The following RIMS1 variants were observed in gnomAD, a reference collection of about 807,000 sequenced individuals.
The protein encoded by RIMS1 is regulating synaptic membrane exocytosis 1, also known as regulating synaptic membrane exocytosis protein 1.
Under a neutral mutation model 214.1 loss-of-function variants are expected in RIMS1, and 83 were observed. The ratio of observed to expected loss-of-function variants is 0.39; its 90% CI spans 0.32 to 0.47. The LOEUF (loss-of-function observed/expected upper bound fraction) is 0.47. Ranked by LOEUF, RIMS1 falls within the 20% of genes least tolerant of loss-of-function variation. The pLI is 0.99. For missense variants in RIMS1, 2,050 were observed against 2,161.8 expected (o/e 0.95, Z 1.03); for synonymous variants, 793 against 786.8 (o/e 1.01, Z -0.13).
At chr6:72,228,313 C>T (rs1392749960) in intron 6 of RIMS1, among the ~76,000 whole-genome samples, 1 of 151,826 alleles carries the variant, frequency 6.6e-6, no homozygotes, top group Non-Finnish European at 1.5e-5. Flanking sequence ...CCCCGTTTCC[C>T]CTGTTCCCCA....
At chr6:72,060,657 G>A in intron 2 of RIMS1, among the ~76,000 whole-genome samples, 1 of 152,076 alleles carries the variant, frequency 6.6e-6, no homozygotes, top group East Asian at 1.9e-4. Context: ...AAATACCAAA[G>A]CCATTTTTTT....
chr6:71,928,602 A>G (rs570135084), intron 1 of RIMS1, among the ~76,000 whole-genome samples: 5 of 152,142 alleles, frequency 3.3e-5, no homozygotes, highest in South Asian at 2.1e-4. Flanking sequence ...AATAACATTT[A>G]TATCTATATA....
intron 1 of RIMS1, among the ~76,000 whole-genome samples, chr6:71,936,358 GAAAA>G (rs1435713873): frequency 4.0e-5 from 5 of 126,360 alleles, no homozygotes; most frequent in African/African-American, 1.5e-4. Context: ...AAAAAGAAAA[GAAAA>G]GGAAGGTGTG....
At chr6:72,014,486 C>T (rs1172256555) in intron 2 of RIMS1, among the ~76,000 whole-genome samples, 4 of 152,176 alleles carry the variant, frequency 2.6e-5, no homozygotes, top group Non-Finnish European at 4.4e-5. Context: ...TATGGATATA[C>T]CACTTTTATT....
chr6:72,090,676 C>T (rs1835965654), intron 2 of RIMS1, among the ~76,000 whole-genome samples: 1 of 152,180 alleles, frequency 6.6e-6, no homozygotes, highest in Non-Finnish European at 1.5e-5. Flanking sequence ...TTCTTTGACA[C>T]TGGTACATGC....
chr6:72,007,511 C>A (rs188313576), intron 2 of RIMS1, among the ~76,000 whole-genome samples: 153 of 152,044 alleles, frequency 1.0e-3, no homozygotes, highest in African/African-American at 3.4e-3. Flanking sequence ...AGGCTTCAGA[C>A]AATCAAACTT....
At chr6:72,005,726 G>T (rs192307183) in intron 2 of RIMS1, among the ~76,000 whole-genome samples, 121 of 152,310 alleles carry the variant, frequency 7.9e-4, no homozygotes, top group African/African-American at 2.7e-3. Context: ...TAAAAAACAT[G>T]CTGGATGGCT....
intron 28 of RIMS1, among the ~76,000 whole-genome samples, chr6:72,328,277 C>G (rs1045511245): frequency 1.3e-5 from 2 of 151,706 alleles, no homozygotes; most frequent in African/African-American, 2.4e-5. Context: ...AGGGGAATAT[C>G]ACACACCAAG....
At chr6:72,004,352 C>G (rs1444040589) in intron 2 of RIMS1, among the ~76,000 whole-genome samples, 1 of 152,072 alleles carries the variant, frequency 6.6e-6, no homozygotes, top group Non-Finnish European at 1.5e-5. Flanking sequence ...GTCTTTATAG[C>G]AGCATGATTT....
At chr6:71,970,232 C>T (rs1258529446) in intron 2 of RIMS1, among the ~76,000 whole-genome samples, 1 of 152,056 alleles carries the variant, frequency 6.6e-6, no homozygotes, top group African/African-American at 2.4e-5. Context: ...AAAGTACAAA[C>T]TTGGAAGAAG....
rs1264752981 is a variant in RIMS1, at chr6:72,394,039, A to AG, written c.4618+1229_4618+1230insG. On this transcript the variant is annotated intron_variant, in intron 31 of 33. Transcript: ENST00000521978. ...AATTATGAACTAAAAAAAAAAAAAAAAAAGATGGAACCAAAAAACAAATGC... is the reference window on the plus strand; with the variant it reads ...AATTATGAACTAAAAAAAAAAAAAAAGAAAGATGGAACCAAAAAACAAATGC... 5.3e-3 allele frequency among the ~76,000 whole-genome samples: 793 copies of AG among 150,158 alleles called. 5 individuals are homozygous for AG. The highest frequency in any genetic ancestry group is 0.017 in the African/African-American group (702 of 40,992).
chr6:72,021,572 G>A (rs1460905083), intron 2 of RIMS1, among the ~76,000 whole-genome samples: 1 of 152,174 alleles, frequency 6.6e-6, no homozygotes, highest in African/African-American at 2.4e-5. Context: ...TATACCTGGT[G>A]CACGAAGAAA....
intron 2 of RIMS1, among the ~76,000 whole-genome samples, chr6:72,067,388 C>G (rs1829581245): frequency 6.6e-6 from 1 of 152,156 alleles, no homozygotes; most frequent in Non-Finnish European, 1.5e-5. Flanking sequence ...TTTGTACTTG[C>G]TATTCCCTCT....
intron 4 of RIMS1, among the ~76,000 whole-genome samples, chr6:72,110,930 T>A (rs1273203754): frequency 1.3e-5 from 2 of 152,170 alleles, no homozygotes; most frequent in Non-Finnish European, 2.9e-5. Flanking sequence ...GATCCTAAGA[T>A]GAATTAGTGG....
At chr6:72,057,459 G>A (rs1362085580) in intron 2 of RIMS1, among the ~76,000 whole-genome samples, 1 of 139,704 alleles carries the variant, frequency 7.2e-6, no homozygotes, top group Non-Finnish European at 1.6e-5. Context: ...AGGTTCTGTT[G>A]TTATGTAATT....
intron 1 of RIMS1, among the ~76,000 whole-genome samples, chr6:71,922,685 G>A: frequency 6.6e-6 from 1 of 152,238 alleles, no homozygotes; most frequent in East Asian, 1.9e-4. Context: ...GGAGGAGGAA[G>A]AAGAGGAAGA....
At chr6:71,965,149 C>A (rs1364043069) in intron 1 of RIMS1, among the ~76,000 whole-genome samples, 1 of 152,092 alleles carries the variant, frequency 6.6e-6, no homozygotes, top group Non-Finnish European at 1.5e-5. Context: ...TAGGAAAATT[C>A]AAAAACCGTA....
intron 1 of RIMS1, among the ~76,000 whole-genome samples, chr6:71,912,575 G>T (rs989961155): frequency 6.6e-6 from 1 of 152,016 alleles, no homozygotes; most frequent in African/African-American, 2.4e-5. Flanking sequence ...CTTAAGGATA[G>T]TTCCATAAGC....
At chr6:71,984,813 C>T (rs1799475427) in intron 2 of RIMS1, among the ~76,000 whole-genome samples, 1 of 123,770 alleles carries the variant, frequency 8.1e-6, no homozygotes, top group South Asian at 2.6e-4. Flanking sequence ...ATCTATCTAT[C>T]TATCTATTAT....
Sources: allele counts gnomAD v4.1 joint callset (sites outside exome capture counted in the v4.1 genomes callset), GRCh38; gene constraint gnomAD v4.1.1; transcripts MANE v1.5; gene names NCBI Gene and HGNC (gene_info 2026-07-23, HGNC 2026-07-21).